GPC6: variants seen among roughly 807,000 people sequenced by gnomAD.
The protein encoded by GPC6 is glypican-6.
In GPC6, 14 loss-of-function variants were observed where a neutral mutation model predicts 55.2. The observed-to-expected ratio is 0.25, with a 90% CI of 0.17 to 0.40. The LOEUF (loss-of-function observed/expected upper bound fraction) is 0.40, where lower values mean the gene tolerates loss of function less well. GPC6 is among the 10% of genes least tolerant of loss of function. The pLI, the probability that GPC6 is intolerant of heterozygous loss-of-function variation, is 1.00. For missense variants in GPC6, 641 were observed against 708.5 expected, an observed-to-expected ratio of 0.90 and a Z score of 1.08; for synonymous variants, 278 against 259.6, an observed-to-expected ratio of 1.07 and a Z score of -0.68.
At chr13:94,379,202 T>C (rs1880044513) in intron 6 of GPC6, among the ~76,000 whole-genome samples, 1 of 152,202 alleles carries the variant, frequency 6.6e-6, no homozygotes, top group Non-Finnish European at 1.5e-5. Context: ...TATTGAAAAA[T>C]AAACTGCCAT....
chr13:94,098,171 A>G (rs868468079), intron 4 of GPC6, among the ~76,000 whole-genome samples: 1 of 152,326 alleles, frequency 6.6e-6, no homozygotes, highest in African/African-American at 2.4e-5. Context: ...ATTTAATTCT[A>G]TTTTTAATGC....
chr13:94,400,740 T>C (rs1881090692), intron 8 of GPC6, among the ~76,000 whole-genome samples: 1 of 152,180 alleles, frequency 6.6e-6, no homozygotes, highest in African/African-American at 2.4e-5. Context: ...CAACAGAGCA[T>C]CACCACTTCG....
At chr13:94,257,575 T>C (rs983920799) in intron 4 of GPC6, among the ~76,000 whole-genome samples, 1 of 152,074 alleles carries the variant, frequency 6.6e-6, no homozygotes, top group African/African-American at 2.4e-5. Context: ...CCCCCTAGTA[T>C]TCCCTCATCA....
intron 2 of GPC6, among the ~76,000 whole-genome samples, chr13:93,747,538 A>G (rs1309528814): frequency 6.6e-6 from 1 of 152,148 alleles, no homozygotes; most frequent in Non-Finnish European, 1.5e-5. Flanking sequence ...TTTTAGTTCA[A>G]TTCCTCAAAT....
At chr13:93,431,391 A>G (rs1384416485) in intron 1 of GPC6, among the ~76,000 whole-genome samples, 2 of 152,148 alleles carry the variant, frequency 1.3e-5, no homozygotes, top group African/African-American at 4.8e-5. Context: ...TCTCCATAAA[A>G]TCTTCATGCA....
At chr13:94,222,071 T>C (rs1010851126) in intron 4 of GPC6, among the ~76,000 whole-genome samples, 3 of 152,000 alleles carry the variant, frequency 2.0e-5, no homozygotes, top group African/African-American at 7.2e-5. Flanking sequence ...AATCTATTCA[T>C]ATCCAGGTTT....
intron 4 of GPC6, among the ~76,000 whole-genome samples, chr13:94,231,547 T>C (rs1286414072): frequency 6.6e-6 from 1 of 152,194 alleles, no homozygotes; most frequent in Non-Finnish European, 1.5e-5. Context: ...AGGCATGAGG[T>C]TATTAAAAAT....
chr13:93,630,321 G>A (rs774051335), intron 2 of GPC6, among the ~76,000 whole-genome samples: 7 of 152,164 alleles, frequency 4.6e-5, no homozygotes, highest in Non-Finnish European at 8.8e-5. Flanking sequence ...AGTGCTGCTC[G>A]CTAGTTCTAG....
intron 3 of GPC6, among the ~76,000 whole-genome samples, chr13:93,920,880 C>T (rs1459790368): frequency 6.6e-6 from 1 of 152,156 alleles, no homozygotes; most frequent in Non-Finnish European, 1.5e-5. Flanking sequence ...CCTAACAAAG[C>T]AGAAATTCTT....
intron 4 of GPC6, among the ~76,000 whole-genome samples, chr13:94,088,482 A>G (rs1289715790): frequency 6.7e-6 from 1 of 150,008 alleles, no homozygotes; most frequent in African/African-American, 2.5e-5. Context: ...TGAGGCCAAG[A>G]GTTTGAGAAC....
chr13:93,675,064 T>C (rs908919373), intron 2 of GPC6, among the ~76,000 whole-genome samples: 29 of 152,192 alleles, frequency 1.9e-4, no homozygotes, highest in Admixed American at 1.8e-3. Flanking sequence ...TCTTATCCTA[T>C]ATTGATAGCT....
chr13:94,155,164 A>G (rs1420146514), intron 4 of GPC6, among the ~76,000 whole-genome samples: 2 of 152,136 alleles, frequency 1.3e-5, no homozygotes, highest in Admixed American at 1.3e-4. Flanking sequence ...CCTACAAGGC[A>G]TTTTTGGTGG....
intron 4 of GPC6, among the ~76,000 whole-genome samples, chr13:94,248,131 T>C (rs765707332): frequency 6.6e-6 from 1 of 152,118 alleles, no homozygotes; most frequent in Non-Finnish European, 1.5e-5. Flanking sequence ...ACATTCGTCA[T>C]GGAATTATTA....
At chr13:93,479,631 A>G (rs1879438653) in intron 1 of GPC6, among the ~76,000 whole-genome samples, 1 of 151,768 alleles carries the variant, frequency 6.6e-6, no homozygotes, top group South Asian at 2.1e-4. Flanking sequence ...TCTACTAAAA[A>G]TAAAAAAATT....
intron 1 of GPC6, among the ~76,000 whole-genome samples, chr13:93,388,100 G>A (rs1403295916): frequency 6.6e-6 from 1 of 152,154 alleles, no homozygotes; most frequent in Non-Finnish European, 1.5e-5. Context: ...CCCTGCTTTA[G>A]AGATGATGAA....
chr13:94,118,399 A>G (rs1239441924), intron 4 of GPC6, among the ~76,000 whole-genome samples: 1 of 152,112 alleles, frequency 6.6e-6, no homozygotes, highest in Non-Finnish European at 1.5e-5. Context: ...GTACAGAACT[A>G]TGAATCAATT....
intron 4 of GPC6, among the ~76,000 whole-genome samples, chr13:94,179,864 A>G (rs1458452393): frequency 6.6e-6 from 1 of 152,188 alleles, no homozygotes; most frequent in Non-Finnish European, 1.5e-5. Context: ...AAAATGGAAA[A>G]TGTGAGCAGA....
At chr13:93,271,281 C>G (rs1284417794) in intron 1 of GPC6, among the ~76,000 whole-genome samples, 3 of 152,124 alleles carry the variant, frequency 2.0e-5, no homozygotes, top group Non-Finnish European at 2.9e-5. Flanking sequence ...AATTTTAACT[C>G]AACTACGTTA....
rs1876828082 is a variant in GPC6, at chr13:93,252,714, T to C, written c.160+25098T>C. 2.6e-5 allele frequency among the ~76,000 whole-genome samples: 4 copies of C among 152,246 alleles called. No individual in the cohort carries two copies. In the South Asian group the frequency reaches 8.3e-4, roughly 31 times the overall value. ...AGATGTCAGAGGTCATTCTAACACA[T>C]ATTTTTATTCCCTGGAGCACAGTGC... On this transcript the variant is annotated intron_variant, in intron 1 of 8. Transcript: ENST00000377047.
Sources: gnomAD v4.1 joint callset for allele counts (sites outside exome capture counted in the v4.1 genomes callset) on GRCh38, gnomAD v4.1.1 for gene constraint, MANE v1.5 for transcripts, NCBI Gene and HGNC (gene_info 2026-07-23, HGNC 2026-07-21) for gene names.